MDGA1: variants seen among roughly 807,000 people sequenced by gnomAD.
MDGA1 encodes MAM domain-containing glycosylphosphatidylinositol anchor protein 1.
MDGA1 carries 54 observed loss-of-function variants against 101.5 expected under a neutral mutation model. The observed-to-expected ratio is 0.53, with a 90% confidence interval of 0.43 to 0.67. MDGA1 has a LOEUF of 0.67. Among genes scored for constraint, MDGA1 ranks in the 30% least tolerant of loss-of-function variants. The pLI, the probability that MDGA1 is intolerant of heterozygous loss-of-function variation, is 0.00. For synonymous variants in MDGA1, 533 were observed against 558.3 expected, an observed-to-expected ratio of 0.95 and a Z score of 0.64; for missense variants, 1,083 against 1,323.8, an observed-to-expected ratio of 0.82 and a Z score of 2.82.
At chr6:37,654,176 A>C in intron 6 of MDGA1, 98 bp downstream of exon 6, 4 of 1,364,904 alleles carry the variant, frequency 2.9e-6, no homozygotes, top group Non-Finnish European at 3.9e-6. Context: ...ACCAAGGAGA[A>C]GCAGACAGGC....
chr6:37,689,026 G>T (rs532926615), intron 1 of MDGA1, among the ~76,000 whole-genome samples: 1 of 152,268 alleles, frequency 6.6e-6, no homozygotes, highest in South Asian at 2.1e-4. Context: ...AGATCCCAGG[G>T]GAGACTTGTG....
Position 37,654,888 on chromosome 6 carries a change from G to A in MDGA1, c.624C>T (p.Asp208=). The stretch of plus-strand genomic sequence containing the variant: ...ACACCTGGCAGGTGTAGCTGGCATA[G>A]TCCTGGGGCCGCAGGTTCTTCAGCT... ...VLKLKNLRPQ[D]YASYTCQVSV... is the part of the protein sequence containing the mutation. The change falls in exon 5 of 17, where the codon GAC becomes GAT. Residue 208 remains aspartate (D), a synonymous_variant. Transcript: ENST00000434837. 1.2e-6 allele frequency: 2 copies of A among 1,613,770 alleles called. No homozygotes were observed. The highest frequency in any genetic ancestry group is 1.7e-6 in the Non-Finnish European group (2 of 1,179,844).
intron 1 of MDGA1, among the ~76,000 whole-genome samples, chr6:37,693,179 T>G (rs2114115255): frequency 6.6e-6 from 1 of 152,310 alleles, no homozygotes; most frequent in East Asian, 1.9e-4. Context: ...CCCAAGCCTC[T>G]GTTAGCCCCA....
intron 6 of MDGA1, 46 bp downstream of exon 6, chr6:37,654,228 T>C: frequency 6.7e-7 from 1 of 1,503,470 alleles, no homozygotes; most frequent in Non-Finnish European, 8.9e-7. Context: ...ACCAGGGACC[T>C]TGTCTGCCTC....
chr6:37,671,089 T>C (rs1301237183), intron 1 of MDGA1, among the ~76,000 whole-genome samples: 1 of 152,188 alleles, frequency 6.6e-6, no homozygotes, highest in Non-Finnish European at 1.5e-5. Context: ...TCTCCTGATT[T>C]CTATCAACAA....
intron 1 of MDGA1, among the ~76,000 whole-genome samples, chr6:37,665,234 G>A (rs1761721438): frequency 6.6e-6 from 1 of 152,138 alleles, no homozygotes; most frequent in South Asian, 2.1e-4. Context: ...CTAGGAAGAG[G>A]AAAAGACCCT....
At chr6:37,695,267 A>C (rs574256852) in intron 1 of MDGA1, among the ~76,000 whole-genome samples, 1 of 152,278 alleles carries the variant, frequency 6.6e-6, no homozygotes, top group East Asian at 1.9e-4. Context: ...CCTGGGGAGA[A>C]AGAAGAAAGT....
At chr6:37,640,310 T>G (rs1444923545) in intron 14 of MDGA1, among the ~76,000 whole-genome samples, 6 of 151,638 alleles carry the variant, frequency 4.0e-5, no homozygotes, top group African/African-American at 1.5e-4. Flanking sequence ...CTGCTTGGCT[T>G]TAGATGTGGC....
At position 37,656,077 on chromosome 6, in the gene MDGA1, C is replaced by CTTT. The variant is rs11396919; in HGVS notation, c.383-184_383-182dup. On this transcript the variant is annotated intron_variant, in intron 3 of 16. Transcript: ENST00000434837. ...TAGAGGCAGGGGATAGGACTTTTTC[C>CTTT]TTTTTTTTTTTTTTCTTTTGAGACA... 8.4e-5 allele frequency among the ~76,000 whole-genome samples: 12 copies of CTTT among 142,162 alleles called. No homozygotes were observed. In the South Asian group the frequency reaches 1.1e-3, roughly 13 times the overall value. 93.3% of individuals were successfully genotyped at this position (142,162 alleles called of 152,430 possible). A position where few individuals can be genotyped will look rare whatever the true frequency, so the allele number is the denominator to read the frequency against.
intron 6 of MDGA1, 76 bp downstream of exon 6, chr6:37,654,198 T>C: frequency 1.5e-5 from 22 of 1,447,998 alleles, no homozygotes; most frequent in Middle Eastern, 2.0e-4. Flanking sequence ...CCTTTCCTAG[T>C]TCATTGGTAG....
At chr6:37,654,614 A>G (rs1279125216) in intron 5 of MDGA1, 71 bp from the exon 6 acceptor site, 1 of 1,605,372 alleles carries the variant, frequency 6.2e-7, no homozygotes. Context: ...GTAAGGGGCT[A>G]GGAAAACCAT....
Position 37,644,502 on chromosome 6 carries a change from G to C in MDGA1, c.2396C>G (p.Pro799Arg). 6.3e-7 allele frequency: 1 copy of C among 1,577,844 alleles called. No homozygotes were observed. The highest frequency in any genetic ancestry group is 8.6e-7 in the Non-Finnish European group (1 of 1,161,482). ...GCAGCAGGCCAGGTCCTCACCCTCA[G>C]GGGTGCCACTTATGTCGGTGGGGGG... ...TGPPTDISGT[P>R]EGYYMFIETS... Residue 799 changes from proline (P) to arginine (R), a missense_variant, in exon 13 of 17, where the codon CCT becomes CGT. Physicochemically the swap from Pro to Arg is moderately radical, Grantham distance 103 (BLOSUM62 -2). Transcript: ENST00000434837.
chr6:37,671,793 A>C (rs1761874060), intron 1 of MDGA1, among the ~76,000 whole-genome samples: 1 of 152,222 alleles, frequency 6.6e-6, no homozygotes, highest in Non-Finnish European at 1.5e-5. Flanking sequence ...GGTGCTATAA[A>C]ATGCATGTGG....
At position 37,652,392 on chromosome 6, in the gene MDGA1, G is replaced by T. The variant is rs961432545; in HGVS notation, c.983-52C>A. The T allele has an allele frequency of 5.8e-5, 83 of 1,437,424 alleles. No homozygotes were observed. In the East Asian group the frequency reaches 2.0e-3, roughly 35 times the overall value. The allele number at this position is 1,437,424 out of a possible 1,614,324, so 89.0% of individuals were successfully genotyped here. A position where few individuals can be genotyped will look rare whatever the true frequency, so the allele number is the denominator to read the frequency against. On this transcript the variant is annotated intron_variant, in intron 6 of 16. Coordinates refer to ENST00000434837, the MANE Select transcript of MDGA1 (RefSeq NM_153487.4). The surrounding 1 kb of genome is among the most constrained non-coding windows in gnomAD (Gnocchi z 4.3). ...AGTTGGGGTTGGCCTGACTCCAGGG[G>T]TCCATGTCCCACCCCAACCCAGACC...
chr6:37,654,183 A>G, intron 6 of MDGA1, 91 bp downstream of exon 6: 1 of 1,395,136 alleles, frequency 7.2e-7, no homozygotes, highest in Non-Finnish European at 9.5e-7. Flanking sequence ...AGAAGCAGAC[A>G]GGCCCCTTTC....
intron 1 of MDGA1, among the ~76,000 whole-genome samples, chr6:37,668,958 C>T (rs573499976): frequency 1.3e-5 from 2 of 152,300 alleles, no homozygotes; most frequent in East Asian, 3.9e-4. Flanking sequence ...AGCAATTCTC[C>T]TGCCTCAGCC....
intron 12 of MDGA1, 57 bp downstream of exon 12, chr6:37,645,876 G>A: frequency 1.9e-6 from 3 of 1,590,812 alleles, no homozygotes; most frequent in Non-Finnish European, 2.6e-6. Flanking sequence ...CTCTCACCAG[G>A]AGAGCCTTTG....
At chr6:37,663,139 A>G (rs551860158) in intron 2 of MDGA1, among the ~76,000 whole-genome samples, 1 of 152,284 alleles carries the variant, frequency 6.6e-6, no homozygotes, top group East Asian at 1.9e-4. Context: ...ATTAAAGGTC[A>G]CAGTAGCTCA....
At chr6:37,673,701 G>A (rs1355686802) in intron 1 of MDGA1, among the ~76,000 whole-genome samples, 2 of 152,080 alleles carry the variant, frequency 1.3e-5, no homozygotes, top group African/African-American at 4.8e-5. Flanking sequence ...AGCCGGGGGT[G>A]GACCAGGTGA....
Sources: allele counts gnomAD v4.1 joint callset (sites outside exome capture counted in the v4.1 genomes callset), GRCh38; gene constraint gnomAD v4.1.1; non-coding constraint Gnocchi (gnomAD v3.1); transcripts MANE v1.5; gene names NCBI Gene and HGNC (gene_info 2026-07-23, HGNC 2026-07-21).